PLXNA4: variants seen among roughly 807,000 people sequenced by gnomAD.
PLXNA4 encodes plexin A4, also known as plexin-A4.
Under a neutral mutation model 191.8 loss-of-function variants are expected in PLXNA4, and 44 were observed. The observed-to-expected ratio is 0.23, with a 90% CI of 0.18 to 0.29. The LOEUF (loss-of-function observed/expected upper bound fraction) is 0.29, where lower values mean the gene tolerates loss of function less well. Ranked by LOEUF, PLXNA4 falls within the 10% of genes least tolerant of loss-of-function variation. The probability of loss-of-function intolerance (pLI) is 1.00; values close to 1 mark genes in which losing one functional copy is unlikely to be tolerated. For synonymous variants in PLXNA4, 1,082 were observed against 1,009.5 expected (o/e 1.07, Z -1.36); for missense variants, 1,800 against 2,488.8 (o/e 0.72, Z 5.89).
rs1278344254 is a variant in PLXNA4 at position 132,147,558 on chromosome 7, T to C, written c.4864+342A>G. The stretch of plus-strand genomic sequence containing the variant: ...ATCATTTAGCCTCTGTGCACCTGAG[T>C]TATAATGTACTAATCTGCATAATAG... On this transcript the variant is annotated intron_variant, in intron 27 of 31. Transcript: ENST00000321063. 2.6e-5 allele frequency among the ~76,000 whole-genome samples: 4 copies of C among 152,142 alleles called. No homozygotes were observed. The East Asian group carries it at 5.8e-4, about 22-fold the overall frequency.
At chr7:132,195,671 G>A (rs565351978) in intron 13 of PLXNA4, among the ~76,000 whole-genome samples, 1 of 152,310 alleles carries the variant, frequency 6.6e-6, no homozygotes, top group Admixed American at 6.5e-5. Context: ...CAAATTACAG[G>A]TGAGGTTTCA....
chr7:132,359,549 C>T (rs1362413148), intron 3 of PLXNA4, among the ~76,000 whole-genome samples: 1 of 152,138 alleles, frequency 6.6e-6, no homozygotes, highest in Non-Finnish European at 1.5e-5. Context: ...CTGTTCACTT[C>T]ATTTGACTGT....
upstream of PLXNA4, among the ~76,000 whole-genome samples, chr7:132,580,308 GT>G: frequency 6.6e-6 from 1 of 152,128 alleles, no homozygotes; most frequent in South Asian, 2.1e-4. Context: ...TTCAAAATGT[GT>G]TTCTGCATTA....
chr7:132,152,871 A>G (rs746504318), intron 25 of PLXNA4, among the ~76,000 whole-genome samples: 4 of 152,162 alleles, frequency 2.6e-5, no homozygotes, highest in Admixed American at 1.3e-4. Flanking sequence ...ATCTCACAAG[A>G]TGCATCTCCT....
At chr7:132,441,312 C>A (rs1487348368) in intron 3 of PLXNA4, among the ~76,000 whole-genome samples, 1 of 152,200 alleles carries the variant, frequency 6.6e-6, no homozygotes, top group Admixed American at 6.5e-5. Flanking sequence ...AGATCTTGGA[C>A]AAGATGCTTC....
intron 3 of PLXNA4, among the ~76,000 whole-genome samples, chr7:132,381,680 C>CATTTGGGAT (rs1234796898): frequency 2.0e-5 from 3 of 152,226 alleles, no homozygotes; most frequent in African/African-American, 7.2e-5. Context: ...TACACTCACA[C>CATTTGGGAT]ATTTGGGATG....
intron 5 of PLXNA4, among the ~76,000 whole-genome samples, chr7:132,229,852 T>C (rs1025751877): frequency 1.3e-5 from 2 of 151,896 alleles, no homozygotes; most frequent in African/African-American, 2.4e-5. Context: ...TGAGCTGCTA[T>C]TGGGGTAACT....
At chr7:132,289,534 TATTTA>T (rs1002122436) in intron 4 of PLXNA4, among the ~76,000 whole-genome samples, 1 of 152,162 alleles carries the variant, frequency 6.6e-6, no homozygotes, top group Non-Finnish European at 1.5e-5. Context: ...AATTTATTTT[TATTTA>T]TTTTTTTTTT....
chr7:132,325,270 C>T (rs1057052498), intron 3 of PLXNA4, among the ~76,000 whole-genome samples: 8 of 152,134 alleles, frequency 5.3e-5, no homozygotes, highest in African/African-American at 7.2e-5. Flanking sequence ...CTTCTGGATA[C>T]GGGGCCATCT....
intron 3 of PLXNA4, among the ~76,000 whole-genome samples, chr7:132,430,953 TG>T (rs1795238599): frequency 6.6e-6 from 1 of 151,926 alleles, no homozygotes; most frequent in African/African-American, 2.4e-5. Context: ...CGGGAGGAGG[TG>T]GGACTTGTAA....
At chr7:132,466,002 C>T (rs895807307) in intron 3 of PLXNA4, among the ~76,000 whole-genome samples, 1 of 152,144 alleles carries the variant, frequency 6.6e-6, no homozygotes, top group Non-Finnish European at 1.5e-5. Flanking sequence ...CAGGTACCCA[C>T]GCAGGTCAGG....
chr7:132,177,063 G>C (rs1254403495), intron 20 of PLXNA4, among the ~76,000 whole-genome samples: 4 of 152,010 alleles, frequency 2.6e-5, no homozygotes, highest in Non-Finnish European at 5.9e-5. Context: ...ACGAATGTGA[G>C]TACATGAGCG....
intron 1 of PLXNA4, among the ~76,000 whole-genome samples, chr7:132,555,371 T>C (rs572053326): frequency 7.9e-5 from 12 of 152,330 alleles, no homozygotes; most frequent in Admixed American, 7.2e-4. Context: ...CTCAAGGCAG[T>C]AGACTTGTTG....
intron 3 of PLXNA4, chr7:132,385,356 T>TC: frequency 6.6e-7 from 1 of 1,526,472 alleles, no homozygotes; most frequent in Non-Finnish European, 8.8e-7. Flanking sequence ...CCCATAAGCC[T>TC]CCTTATTCCC....
Position 132,174,828 on chromosome 7 carries a change from G to T in PLXNA4, c.3967C>A (p.Arg1323=), listed in dbSNP as rs747801776. The T allele has an allele frequency of 3.1e-6, 5 of 1,614,084 alleles. No individual in the cohort carries two copies. The highest frequency in any genetic ancestry group is 1.1e-5 in the South Asian group (1 of 91,090). The change falls in exon 21 of 32, where the codon CGG becomes AGG. Residue 1323 remains arginine, a synonymous_variant. Transcript: ENST00000321063. The stretch of plus-strand genomic sequence containing the variant: ...TCTTCAATTCCTGGGAACAGCACCC[G>T]CATGGTGTAAGTTCTATAGTCCAGG... ...PFLDYRTYTM[R]VLFPGIEDHP... is the part of the protein sequence containing the mutation.
At chr7:132,439,668 GGCAAGACCTGAACTCAAGGA>G (rs1435393673) in intron 3 of PLXNA4, among the ~76,000 whole-genome samples, 2 of 152,084 alleles carry the variant, frequency 1.3e-5, no homozygotes, top group Non-Finnish European at 2.9e-5. Context: ...TTGTTTAGGG[GGCAAGACCTGAACTCAAGGA>G]GCAAGACCTG....
At chr7:132,477,844 T>G (rs1797191025) in intron 3 of PLXNA4, among the ~76,000 whole-genome samples, 1 of 152,218 alleles carries the variant, frequency 6.6e-6, no homozygotes, top group South Asian at 2.1e-4. Flanking sequence ...AAGCTTCTAT[T>G]GCCTATAATT....
At position 132,147,142 on chromosome 7, in the gene PLXNA4, C is replaced by G. The variant is rs1011837507; in HGVS notation, c.4865-442G>C. Among the ~76,000 whole-genome samples the G allele has an allele frequency of 3.3e-5, 5 of 152,316 alleles. No individual in the cohort carries two copies. The East Asian group carries it at 9.6e-4, about 29-fold the overall frequency. ...AGTAATCACTGGGTAACCTGCTCAC[C>G]TTCGTCTGTCCTCCCCTCTGGCCTG... On this transcript the variant is annotated intron_variant, in intron 27 of 31. Transcript: ENST00000321063.
chr7:132,539,653 A>C (rs1456658135), intron 1 of PLXNA4, among the ~76,000 whole-genome samples: 1 of 152,230 alleles, frequency 6.6e-6, no homozygotes, highest in Non-Finnish European at 1.5e-5. Context: ...ATCATGTGTT[A>C]AGTGGGAATG....
Sources: allele counts gnomAD v4.1 joint callset (sites outside exome capture counted in the v4.1 genomes callset), GRCh38; gene constraint gnomAD v4.1.1; transcripts MANE v1.5; gene names NCBI Gene and HGNC (gene_info 2026-07-23, HGNC 2026-07-21).